The following CPNE5 variants were observed in gnomAD, a reference collection of about 807,000 sequenced individuals.
CPNE5 encodes copine-5.
CPNE5 carries 42 observed loss-of-function variants against 81.1 expected under a neutral mutation model. The observed-to-expected ratio is 0.52, with a 90% CI of 0.40 to 0.67. CPNE5 has a LOEUF of 0.67. Among genes scored for constraint, CPNE5 ranks in the 30% least tolerant of loss-of-function variants. The pLI is 0.00. For missense variants in CPNE5, 612 were observed against 815.5 expected, an observed-to-expected ratio of 0.75 and a Z score of 3.04; for synonymous variants, 313 against 321.5, an observed-to-expected ratio of 0.97 and a Z score of 0.28.
At chr6:36,749,045 T>TC (rs899753161) in intron 14 of CPNE5, among the ~76,000 whole-genome samples, 1 of 151,896 alleles carries the variant, frequency 6.6e-6, no homozygotes, top group African/African-American at 2.4e-5. Flanking sequence ...CAAGCAGTTT[T>TC]CCCACCTCAG....
At chr6:36,823,961 G>C (rs1772283045) in intron 1 of CPNE5, among the ~76,000 whole-genome samples, 1 of 152,124 alleles carries the variant, frequency 6.6e-6, no homozygotes, top group African/African-American at 2.4e-5. Flanking sequence ...GTTTCACAGC[G>C]ACCTGCTGCC....
At chr6:36,837,769 T>C (rs745349841) in intron 1 of CPNE5, among the ~76,000 whole-genome samples, 2 of 151,776 alleles carry the variant, frequency 1.3e-5, no homozygotes, top group African/African-American at 4.8e-5. Flanking sequence ...TTCAGAGGCT[T>C]GGAGGTGGGA....
At chr6:36,764,702 C>A (rs530868031) in intron 11 of CPNE5, among the ~76,000 whole-genome samples, 2 of 152,248 alleles carry the variant, frequency 1.3e-5, no homozygotes, top group South Asian at 4.1e-4. Context: ...AAGCACCCTC[C>A]CAGCAGCCAG....
intron 13 of CPNE5, chr6:36,756,034 A>C (rs1765416272): frequency 3.5e-6 from 2 of 567,598 alleles, no homozygotes; most frequent in East Asian, 3.1e-5. Flanking sequence ...TGCTAGATAC[A>C]GCCAGCGCCT....
intron 1 of CPNE5, among the ~76,000 whole-genome samples, chr6:36,824,061 A>G (rs1189799494): frequency 6.6e-6 from 1 of 152,312 alleles, no homozygotes; most frequent in Admixed American, 6.5e-5. Flanking sequence ...CAGTACAATG[A>G]GACGGTAGTA....
intron 8 of CPNE5, among the ~76,000 whole-genome samples, chr6:36,781,013 T>C (rs1181332655): frequency 6.6e-6 from 1 of 152,146 alleles, no homozygotes; most frequent in Non-Finnish European, 1.5e-5. Flanking sequence ...AGAGAACAAA[T>C]TACATTTCAC....
intron 8 of CPNE5, among the ~76,000 whole-genome samples, chr6:36,780,998 CT>C (rs1456874677): frequency 6.6e-6 from 1 of 152,206 alleles, no homozygotes; most frequent in Non-Finnish European, 1.5e-5. Flanking sequence ...CTCTGCCCCC[CT>C]GAGAGAGAAC....
chr6:36,819,759 C>T (rs983026603), intron 3 of CPNE5, among the ~76,000 whole-genome samples: 103 of 152,302 alleles, frequency 6.8e-4, no homozygotes, highest in African/African-American at 2.3e-3. Flanking sequence ...TAGCTGCCTC[C>T]TACCCCTCTC....
intron 1 of CPNE5, among the ~76,000 whole-genome samples, chr6:36,824,414 G>C (rs1561823623): frequency 6.7e-6 from 1 of 149,902 alleles, no homozygotes; most frequent in African/African-American, 2.4e-5. Context: ...CCTGTAAGCT[G>C]CCAGACAAGC....
chr6:36,800,383 A>C (rs1361661877), intron 3 of CPNE5, among the ~76,000 whole-genome samples: 1 of 151,726 alleles, frequency 6.6e-6, no homozygotes, highest in East Asian at 1.9e-4. Flanking sequence ...GCATATCCTC[A>C]TTCCTTCAAG....
chr6:36,794,557 G>T, intron 7 of CPNE5, 33 bp downstream of exon 7: 1 of 1,605,896 alleles, frequency 6.2e-7, no homozygotes, highest in Non-Finnish European at 8.5e-7. Context: ...GAATGTCTAA[G>T]GACTCCAGGG....
intron 6 of CPNE5, among the ~76,000 whole-genome samples, chr6:36,796,181 T>G (rs1419993718): frequency 1.3e-5 from 2 of 152,208 alleles, no homozygotes; most frequent in African/African-American, 2.4e-5. Context: ...ACTCCCGACC[T>G]CAGGTGATCC....
chr6:36,817,613 C>A (rs1347997526), intron 3 of CPNE5, among the ~76,000 whole-genome samples: 1 of 152,186 alleles, frequency 6.6e-6, no homozygotes, highest in Non-Finnish European at 1.5e-5. Flanking sequence ...CTGTGCTGGA[C>A]AGCCCCCGTT....
intron 3 of CPNE5, among the ~76,000 whole-genome samples, chr6:36,820,335 CTTTTTTTT>C (rs1163633243): frequency 1.1e-5 from 1 of 92,390 alleles, no homozygotes; most frequent in Non-Finnish European, 2.1e-5. Flanking sequence ...CTAATCCATT[CTTTTTTTT>C]TTTTTTTTTT....
intron 13 of CPNE5, chr6:36,755,330 A>G (rs1390194595): frequency 6.6e-6 from 1 of 152,184 alleles, no homozygotes; most frequent in Non-Finnish European, 1.5e-5. Flanking sequence ...CACTGCAGAG[A>G]AAGTGGCTTG....
chr6:36,759,836 T>C (rs236438), intron 12 of CPNE5, among the ~76,000 whole-genome samples: 4,326 of 151,150 alleles, frequency 0.029, 151 homozygotes, highest in African/African-American at 0.083. Flanking sequence ...AGGACGGGGA[T>C]GAATGTGGGA....
intron 20 of CPNE5, 56 bp from the exon 21 acceptor site, chr6:36,742,542 A>G: frequency 6.3e-7 from 1 of 1,575,490 alleles, no homozygotes; most frequent in South Asian, 1.1e-5. Flanking sequence ...CTGGCCCCCA[A>G]AATCTCCAGG....
chr6:36,798,214 G>C lies in CPNE5; in HGVS notation c.355C>G (p.Leu119Val). ...HDFLGQAFCT[L>V]GEIVGSPGSR... ...CCAGGGGACCCCACAATCTCTCCAAGGGTGCAGAAGGCCTGGCCCAGGAAA... is the reference window on the plus strand; with the variant it reads ...CCAGGGGACCCCACAATCTCTCCAACGGTGCAGAAGGCCTGGCCCAGGAAA... Residue 119 changes from leucine to valine, a missense_variant, in exon 6 of 21, where the codon CTT (leucine) becomes GTT (valine). Leu to Val is a conservative substitution (Grantham distance 32, BLOSUM62 1). Coordinates refer to ENST00000244751, the MANE Select transcript of CPNE5 (RefSeq NM_020939.2). 1 of 1,613,812 alleles carries C rather than the reference G, an allele frequency of 6.2e-7. No individual in the cohort carries two copies. Among genetic ancestry groups the C allele is most frequent in the Non-Finnish European group, 8.5e-7 (1 of 1,179,864 alleles).
intron 8 of CPNE5, among the ~76,000 whole-genome samples, chr6:36,779,338 C>T (rs780608320): frequency 4.3e-4 from 66 of 152,296 alleles, no homozygotes; most frequent in Non-Finnish European, 7.4e-4. Flanking sequence ...GAGTGAGGCA[C>T]GTGGCAACCC....
Sources: allele counts gnomAD v4.1 joint callset (sites outside exome capture counted in the v4.1 genomes callset), GRCh38; gene constraint gnomAD v4.1.1; transcripts MANE v1.5; gene names NCBI Gene and HGNC (gene_info 2026-07-23, HGNC 2026-07-21).